ZC3H4: variants seen among roughly 807,000 people sequenced by gnomAD.
The protein encoded by ZC3H4 is zinc finger CCCH-type containing 4.
In ZC3H4, 13 loss-of-function variants were observed where a neutral mutation model predicts 108.3. The observed-to-expected ratio is 0.12, with a 90% CI of 0.08 to 0.19. The LOEUF (loss-of-function observed/expected upper bound fraction) is 0.19. Among genes scored for constraint, ZC3H4 ranks in the 10% least tolerant of loss-of-function variants. ZC3H4 has a pLI of 1.00. For synonymous variants in ZC3H4, 917 were observed against 749.6 expected (o/e 1.22, Z -3.65); for missense variants, 1,734 against 1,838.8 (o/e 0.94, Z 1.04).
intron 9 of ZC3H4, 101 bp from the exon 10 acceptor site, chr19:47,082,396 G>A: frequency 2.2e-6 from 2 of 889,982 alleles, no homozygotes. Flanking sequence ...GTGCATGGAG[G>A]GGCCAATGAC....
intron 2 of ZC3H4, among the ~76,000 whole-genome samples, chr19:47,102,275 A>AAG (rs149927422): frequency 0.016 from 2,475 of 152,366 alleles, 61 homozygotes; most frequent in African/African-American, 0.056. Context: ...TTTGGATGCA[A>AAG]AGACCAGCTC....
chr19:47,075,818 C>A lies in ZC3H4; in HGVS notation c.1441-3105G>T, dbSNP rs1232600385. Among the ~76,000 whole-genome samples the A allele has an allele frequency of 2.0e-5, 3 of 152,270 alleles. No homozygotes were observed. The South Asian group carries it at 6.2e-4, about 32-fold the overall frequency. On this transcript the variant is annotated intron_variant, in intron 11 of 14. Coordinates refer to ENST00000253048, the MANE Select transcript of ZC3H4 (RefSeq NM_015168.2). Reference sequence around the variant, plus strand: ...AGTGCAGAGGAGAAAGGAGCTCAGGCCCTGAATGGTTGACTCCACCATGGA... The same window carrying A: ...AGTGCAGAGGAGAAAGGAGCTCAGGACCTGAATGGTTGACTCCACCATGGA...
In ZC3H4 at chr19:47,112,521, G is replaced by A. The variant is rs2058053841; in HGVS notation, c.64C>T (p.Pro22Ser). 9.4e-7 allele frequency: 1 copy of A among 1,062,918 alleles called. No homozygotes were observed. Among genetic ancestry groups the A allele is most frequent in the Non-Finnish European group, 1.2e-6 (1 of 826,186 alleles). 65.8% of individuals were successfully genotyped at this position (1,062,918 alleles called of 1,614,324 possible). A position where few individuals can be genotyped will look rare whatever the true frequency, so the allele number is the denominator to read the frequency against. The change falls in exon 2 of 15, where the codon CCG becomes TCG. Residue 22 changes from proline to serine, a missense_variant. Physicochemically the swap from Pro to Ser is moderately conservative, Grantham distance 74. Around this residue, in one of 9 missense-constraint regions of ZC3H4, gnomAD observed 112 missense variants for 73.3 expected, o/e 1.53. Coordinates refer to ENST00000253048, the MANE Select transcript of ZC3H4 (RefSeq NM_015168.2). The part of the protein sequence containing the change: ...PSESPPPPSP[P>S]PPSTPSPPPC... ...GGAGGCGAAGGCGTTGATGGCGGCG[G>A]CGGCGATGGCGGCGGCGGCGACTCT...
At position 47,065,064 on chromosome 19, in the gene ZC3H4, T is replaced by TC. The variant is rs970835116; in HGVS notation, c.*1291dup. ...TGGCCCAGAGGCAGGATAGCAGGCCTCCCCCAGCACCCCTTGCGCCCATCT... is the reference window on the plus strand; with the variant it reads ...TGGCCCAGAGGCAGGATAGCAGGCCTCCCCCCAGCACCCCTTGCGCCCATCT... On this transcript the variant is annotated 3_prime_UTR_variant, in exon 15 of 15. Transcript: ENST00000253048. 2 of 152,314 alleles carry TC rather than the reference T, an allele frequency of 1.3e-5. No individual in the cohort carries two copies. The highest frequency in any genetic ancestry group is 4.8e-5 in the African/African-American group (2 of 41,392). The allele number at this position is 152,314 out of a possible 1,614,324, so 9.4% of individuals were successfully genotyped here. A position where few individuals can be genotyped will look rare whatever the true frequency, so the allele number is the denominator to read the frequency against.
Position 47,082,190 on chromosome 19 carries a change from T to C in ZC3H4, c.1324A>G (p.Met442Val), listed in dbSNP as rs1232312176. Residue 442 changes from methionine to valine, a missense_variant, in exon 10 of 15, where the codon ATG (methionine) becomes GTG (valine). Physicochemically the swap from Met to Val is conservative, Grantham distance 21. This residue lies in a region of ZC3H4 where 66 missense variants were observed against 166.8 expected (regional missense o/e 0.40). Transcript: ENST00000253048. Reference sequence around the variant, plus strand: ...TGCTGGCACTAAAGGATATCGTGCATATAAGGGCAGTTCTCAGCTCTGGCG... The same window carrying C: ...TGCTGGCACTAAAGGATATCGTGCACATAAGGGCAGTTCTCAGCTCTGGCG... Reference protein sequence around the residue: ...FCARAENCPYMHGDFPCKLYH... With the variant: ...FCARAENCPYVHGDFPCKLYH... 4 of 1,613,588 alleles carry C rather than the reference T, an allele frequency of 2.5e-6. No individual in the cohort carries two copies. Among genetic ancestry groups the C allele is most frequent in the Admixed American group, 1.7e-5 (1 of 60,016 alleles).
chr19:47,073,136 G>A (rs1380856060), intron 11 of ZC3H4, among the ~76,000 whole-genome samples: 2 of 151,732 alleles, frequency 1.3e-5, no homozygotes, highest in African/African-American at 4.8e-5. Flanking sequence ...AGCCAGGCAT[G>A]GTAGTGCACG....
Position 47,112,558 on chromosome 19 carries a change from C to CG in ZC3H4, c.26dup (p.Pro10AlafsTer43), listed in dbSNP as rs1568573899. ...GCGGCGGCGACTCTGATGGCGGCGG[C>CG]GGGGGGGTCCCGGGCGCGGCCTCCA... On this transcript the variant is annotated frameshift_variant, in exon 2 of 15. Transcript: ENST00000253048. LOFTEE classifies it high-confidence loss of function. 6.5e-5 allele frequency: 66 copies of CG among 1,016,490 alleles called. No individual in the cohort carries two copies. Among genetic ancestry groups the CG allele is most frequent in the South Asian group, 1.4e-4 (3 of 20,730 alleles). The allele number at this position is 1,016,490 out of a possible 1,614,324, so 63.0% of individuals were successfully genotyped here. A position where few individuals can be genotyped will look rare whatever the true frequency, so the allele number is the denominator to read the frequency against.
At chr19:47,090,498 C>T (rs762374686) in intron 4 of ZC3H4, among the ~76,000 whole-genome samples, 1 of 152,150 alleles carries the variant, frequency 6.6e-6, no homozygotes, top group Non-Finnish European at 1.5e-5. Context: ...GCAGAGCAAG[C>T]GCACGTGGAG....
At chr19:47,070,723 C>T (rs1437426323) in intron 13 of ZC3H4, among the ~76,000 whole-genome samples, 1 of 152,178 alleles carries the variant, frequency 6.6e-6, no homozygotes, top group Non-Finnish European at 1.5e-5. Context: ...CTAGCCTGGG[C>T]CTCTCCCAAT....
chr19:47,081,680 C>T, intron 10 of ZC3H4, 58 bp from the exon 11 acceptor site: 3 of 1,428,920 alleles, frequency 2.1e-6, no homozygotes, highest in Non-Finnish European at 3.0e-6. Context: ...TCCCCCACCA[C>T]AGACCCAAGG....
chr19:47,102,033 CA>C (rs906610662), intron 2 of ZC3H4, among the ~76,000 whole-genome samples: 1 of 150,536 alleles, frequency 6.6e-6, no homozygotes, highest in African/African-American at 2.4e-5. Flanking sequence ...GACTTCGTCT[CA>C]AAAAAAAAGA....
intron 2 of ZC3H4, among the ~76,000 whole-genome samples, chr19:47,106,700 T>C (rs1210777481): frequency 6.6e-6 from 1 of 152,208 alleles, no homozygotes; most frequent in African/African-American, 2.4e-5. Context: ...ATACGAAGCC[T>C]GGTAAAGGCA....
intron 13 of ZC3H4, 146 bp downstream of exon 13, chr19:47,071,632 G>C: frequency 1.2e-6 from 1 of 823,446 alleles, no homozygotes; most frequent in Non-Finnish European, 1.8e-6. Flanking sequence ...CTATGTCACT[G>C]AAAACATTCA....
chr19:47,073,387 T>C (rs1275011191), intron 11 of ZC3H4, among the ~76,000 whole-genome samples: 1 of 152,050 alleles, frequency 6.6e-6, no homozygotes, highest in Non-Finnish European at 1.5e-5. Context: ...CTGGCCAACA[T>C]GGTGAAACCC....
intron 13 of ZC3H4, 104 bp from the exon 14 acceptor site, chr19:47,069,447 A>T: frequency 7.0e-7 from 1 of 1,425,314 alleles, no homozygotes; most frequent in Middle Eastern, 2.1e-4. Context: ...GCGATGGAGA[A>T]GGACGCACAG....
At position 47,066,440 on chromosome 19, in the gene ZC3H4, C is replaced by T. The variant is rs761242895; in HGVS notation, c.3828G>A (p.Pro1276=). 21 of 1,575,910 alleles carry T rather than the reference C, an allele frequency of 1.3e-5. 1 individual carries two copies. Among genetic ancestry groups the T allele is most frequent in the Admixed American group, 1.3e-4 (7 of 53,646 alleles). The stretch of plus-strand genomic sequence containing the variant: ...CCGCATCCTGCTCACCCTCGCGGGC[C>T]GGACTGTTCCCAGCAAATGGGCTTC... The part of the protein sequence containing the change: ...GSGSPFAGNS[P]AREGEQDAAS... The change falls in exon 15 of 15, where the codon CCG becomes CCA. Residue 1276 remains proline, a synonymous_variant. Coordinates refer to ENST00000253048, the MANE Select transcript of ZC3H4 (RefSeq NM_015168.2).
At chr19:47,083,798 A>G (rs1600048016) in intron 9 of ZC3H4, among the ~76,000 whole-genome samples, 1 of 152,312 alleles carries the variant, frequency 6.6e-6, no homozygotes, top group Non-Finnish European at 1.5e-5. Flanking sequence ...GTGTGCCCTG[A>G]GCACACATCT....
At position 47,071,048 on chromosome 19, in the gene ZC3H4, T is replaced by C. The variant is rs544197820; in HGVS notation, c.2146+730A>G. On this transcript the variant is annotated intron_variant, in intron 13 of 14. Coordinates refer to ENST00000253048, the MANE Select transcript of ZC3H4 (RefSeq NM_015168.2). ...TCATTCCTCACGTTGTGAGTGCCGCTTCACTTCTCAAAGAGACTTTTGTGA... is the reference window on the plus strand; with the variant it reads ...TCATTCCTCACGTTGTGAGTGCCGCCTCACTTCTCAAAGAGACTTTTGTGA... Among the ~76,000 whole-genome samples the C allele has an allele frequency of 2.0e-5, 3 of 152,312 alleles. No homozygotes were observed. In the East Asian group the frequency reaches 5.8e-4, roughly 29 times the overall value.
chr19:47,076,499 A>G (rs1442174405), intron 11 of ZC3H4, among the ~76,000 whole-genome samples: 3 of 152,164 alleles, frequency 2.0e-5, no homozygotes, highest in Non-Finnish European at 4.4e-5. Context: ...TTCTGGGGTG[A>G]TGGAATGGGT....
Sources: allele counts gnomAD v4.1 joint callset (sites outside exome capture counted in the v4.1 genomes callset), GRCh38; gene constraint gnomAD v4.1.1; regional missense constraint gnomAD v4.1.1; transcripts MANE v1.5; gene names NCBI Gene and HGNC (gene_info 2026-07-23, HGNC 2026-07-21).